TMEM132D: variants seen among roughly 807,000 people sequenced by gnomAD.
TMEM132D encodes transmembrane protein 132D, also known as mature OL transmembrane protein.
TMEM132D carries 21 observed loss-of-function variants against 62.3 expected under a neutral mutation model. The observed-to-expected ratio is 0.34, with a 90% CI of 0.24 to 0.49. The LOEUF is 0.49. Ranked by LOEUF, TMEM132D falls within the 20% of genes least tolerant of loss-of-function variation. The pLI, the probability that TMEM132D is intolerant of heterozygous loss-of-function variation, is 0.99. For missense variants in TMEM132D, 1,346 were observed against 1,402.8 expected (o/e 0.96, Z 0.65); for synonymous variants, 621 against 575.6 (o/e 1.08, Z -1.13).
intron 1 of TMEM132D, among the ~76,000 whole-genome samples, chr12:129,719,726 C>T: frequency 6.6e-6 from 1 of 152,206 alleles, no homozygotes; most frequent in East Asian, 1.9e-4. Context: ...TTCAGCTCCG[C>T]AGTGAAGCAT....
intron 2 of TMEM132D, among the ~76,000 whole-genome samples, chr12:129,658,822 T>C (rs940694252): frequency 6.6e-6 from 1 of 152,066 alleles, no homozygotes; most frequent in African/African-American, 2.4e-5. Flanking sequence ...CATGGACAGG[T>C]AATGAAGGAT....
intron 1 of TMEM132D, among the ~76,000 whole-genome samples, chr12:129,889,762 T>C (rs1180882763): frequency 6.6e-6 from 1 of 152,182 alleles, no homozygotes; most frequent in African/African-American, 2.4e-5. Context: ...CAGAGGCCTT[T>C]GGGATGACAA....
intron 1 of TMEM132D, among the ~76,000 whole-genome samples, chr12:129,743,945 A>G (rs1173995436): frequency 2.0e-5 from 3 of 152,092 alleles, no homozygotes. Flanking sequence ...GAGATGTCAG[A>G]GACAAAAAAG....
chr12:129,816,263 T>A (rs965382738), intron 1 of TMEM132D, among the ~76,000 whole-genome samples: 4 of 152,222 alleles, frequency 2.6e-5, no homozygotes, highest in Admixed American at 2.6e-4. Context: ...TATAAAATAT[T>A]TGTATAAAAA....
chr12:129,391,412 T>C (rs1413530597), intron 3 of TMEM132D, among the ~76,000 whole-genome samples: 1 of 152,100 alleles, frequency 6.6e-6, no homozygotes, highest in Non-Finnish European at 1.5e-5. Context: ...GGAGAAGGCA[T>C]GTGAAGAGGG....
intron 3 of TMEM132D, among the ~76,000 whole-genome samples, chr12:129,466,279 C>CTTTTTTTTTT (rs551019541): frequency 1.0e-5 from 1 of 100,386 alleles, no homozygotes; most frequent in African/African-American, 3.8e-5. Flanking sequence ...TAGATTTTTC[C>CTTTTTTTTTT]TTTTTTTTTT....
intron 2 of TMEM132D, among the ~76,000 whole-genome samples, chr12:129,543,034 C>T (rs986562759): frequency 8.6e-5 from 13 of 151,618 alleles, no homozygotes; most frequent in East Asian, 1.9e-4. Context: ...CACCTAATGA[C>T]GCATTCCCCA....
intron 1 of TMEM132D, among the ~76,000 whole-genome samples, chr12:129,712,685 T>C (rs1007035925): frequency 2.0e-5 from 3 of 152,182 alleles, no homozygotes; most frequent in African/African-American, 7.2e-5. Flanking sequence ...GAGCCACATA[T>C]GACCAGTGGC....
intron 3 of TMEM132D, among the ~76,000 whole-genome samples, chr12:129,490,137 T>C (rs1430082240): frequency 6.6e-6 from 1 of 152,192 alleles, no homozygotes; most frequent in African/African-American, 2.4e-5. Flanking sequence ...CTACTATAGT[T>C]CATTTAGTCA....
intron 1 of TMEM132D, among the ~76,000 whole-genome samples, chr12:129,893,027 G>A (rs889027515): frequency 6.6e-6 from 1 of 151,982 alleles, no homozygotes; most frequent in African/African-American, 2.4e-5. Flanking sequence ...CAGGCACATG[G>A]CACCACGCCC....
intron 2 of TMEM132D, among the ~76,000 whole-genome samples, chr12:129,620,355 T>C (rs537214247): frequency 6.6e-6 from 1 of 152,128 alleles, no homozygotes; most frequent in East Asian, 1.9e-4. Context: ...TCCCAGCACT[T>C]TGGGATGCTG....
intron 1 of TMEM132D, among the ~76,000 whole-genome samples, chr12:129,745,512 T>C (rs1329641774): frequency 6.6e-6 from 1 of 152,168 alleles, no homozygotes; most frequent in Non-Finnish European, 1.5e-5. Context: ...TCCTCTAACC[T>C]GTGAGTGCAC....
At position 129,779,937 on chromosome 12, in the gene TMEM132D, A is replaced by G. The variant is rs1340905169; in HGVS notation, c.80-79239T>C. On this transcript the variant is annotated intron_variant, in intron 1 of 8. Coordinates refer to ENST00000422113, the MANE Select transcript of TMEM132D (RefSeq NM_133448.3). This position sits in a 1 kb window ranked among gnomAD's most constrained non-coding sequence, Gnocchi z 4.1. ...ACGCATTGACTCCAGAAATCCTTAC[A>G]ACCATCCTCCGAGAAAGCACTGTCA... is the stretch of plus-strand genomic sequence containing the variant. Among the ~76,000 whole-genome samples the G allele has an allele frequency of 3.3e-5, 5 of 152,040 alleles. No individual in the cohort carries two copies. The highest frequency in any genetic ancestry group is 9.7e-5 in the African/African-American group (4 of 41,382).
intron 1 of TMEM132D, among the ~76,000 whole-genome samples, chr12:129,864,073 T>C (rs1873982488): frequency 6.6e-6 from 1 of 152,030 alleles, no homozygotes; most frequent in African/African-American, 2.4e-5. Context: ...AGAATGTGAG[T>C]TCCAAAGGTG....
chr12:129,328,537 A>C (rs1409862970), intron 4 of TMEM132D, among the ~76,000 whole-genome samples: 4 of 152,238 alleles, frequency 2.6e-5, no homozygotes, highest in Non-Finnish European at 5.9e-5. Flanking sequence ...CCGCCATCTC[A>C]TTATAAATCA....
At chr12:129,527,278 C>T (rs962222926) in intron 3 of TMEM132D, among the ~76,000 whole-genome samples, 20 of 152,232 alleles carry the variant, frequency 1.3e-4, no homozygotes, top group South Asian at 6.2e-4. Flanking sequence ...CACTGCACTC[C>T]GGCTTGGGCA....
At chr12:129,621,822 G>C (rs1879078898) in intron 2 of TMEM132D, among the ~76,000 whole-genome samples, 1 of 152,194 alleles carries the variant, frequency 6.6e-6, no homozygotes, top group Non-Finnish European at 1.5e-5. Flanking sequence ...GGCAGGTTTC[G>C]AACCCAGGTG....
rs191051158 is a variant in TMEM132D at position 129,600,882 on chromosome 12, C to T, written c.969-69677G>A. On this transcript the variant is annotated intron_variant, in intron 2 of 8. Coordinates refer to ENST00000422113, the MANE Select transcript of TMEM132D (RefSeq NM_133448.3). ...GTAGAGTAAGCATAATTATTAAGGGCCCTAGGAATTTCAGAGTGGTAAATG... is the reference window on the plus strand; with the variant it reads ...GTAGAGTAAGCATAATTATTAAGGGTCCTAGGAATTTCAGAGTGGTAAATG... Among the ~76,000 whole-genome samples the T allele has an allele frequency of 4.5e-4, 68 of 152,186 alleles. 1 individual carries two copies. Among genetic ancestry groups the T allele is most frequent in the African/African-American group, 1.6e-3 (65 of 41,522 alleles).
At chr12:129,469,328 G>C (rs1273063593) in intron 3 of TMEM132D, among the ~76,000 whole-genome samples, 1 of 152,172 alleles carries the variant, frequency 6.6e-6, no homozygotes, top group East Asian at 1.9e-4. Context: ...TGCCAACTCT[G>C]TGATAACCTT....
Sources: gnomAD v4.1 joint callset for allele counts (sites outside exome capture counted in the v4.1 genomes callset) on GRCh38, gnomAD v4.1.1 for gene constraint, Gnocchi (gnomAD v3.1) non-coding constraint, MANE v1.5 for transcripts, NCBI Gene and HGNC (gene_info 2026-07-23, HGNC 2026-07-21) for gene names.